Variants in ARHGAP24 observed in about 807,000 individuals in gnomAD.
The protein encoded by ARHGAP24 is rho GTPase-activating protein 24.
Under a neutral mutation model 76.4 loss-of-function variants are expected in ARHGAP24, and 50 were observed. The observed-to-expected ratio is 0.65, with a 90% CI of 0.52 to 0.83. The LOEUF (loss-of-function observed/expected upper bound fraction) is 0.83. Ranked by LOEUF, ARHGAP24 falls within the 40% of genes least tolerant of loss-of-function variation. ARHGAP24 has a pLI of 0.00. For missense variants in ARHGAP24, 930 were observed against 914.2 expected, an observed-to-expected ratio of 1.02 and a Z score of -0.22; for synonymous variants, 345 against 323.3, an observed-to-expected ratio of 1.07 and a Z score of -0.72.
In ARHGAP24 at chr4:85,824,019, AC is replaced by A. The variant is rs201251266; in HGVS notation, c.269-99627del. Among the ~76,000 whole-genome samples the A allele has an allele frequency of 9.5e-3, 1,442 of 152,266 alleles. 27 individuals carry two copies. Among genetic ancestry groups the A allele is most frequent in the African/African-American group, 0.032 (1,350 of 41,552 alleles). On this transcript the variant is annotated intron_variant, in intron 3 of 9. Transcript: ENST00000395184. ...CATCTTTCCCATCTAGAAAAATATT[AC>A]CATCCAGCAAAAAAACACAATTATA...
At position 85,525,875 on chromosome 4, in the gene ARHGAP24, T is replaced by A. The variant is rs553189648; in HGVS notation, c.-20-44647T>A. On this transcript the variant is annotated intron_variant, in intron 1 of 9. Coordinates refer to ENST00000395184, the MANE Select transcript of ARHGAP24 (RefSeq NM_001025616.3). ...TCATGAATGTTCTCCTTGTTGCTATTTTCTTAGAAGGTCGCCTTTTACTTT... is the reference window on the plus strand; with the variant it reads ...TCATGAATGTTCTCCTTGTTGCTATATTCTTAGAAGGTCGCCTTTTACTTT... 4.5e-4 allele frequency among the ~76,000 whole-genome samples: 68 copies of A among 152,296 alleles called. No homozygotes were observed. In the Middle Eastern group the frequency reaches 0.01, roughly 23 times the overall value.
In ARHGAP24 at chr4:85,643,938, A is replaced by T. The variant is rs913974963; in HGVS notation, c.180+73217A>T. Reference sequence around the variant, plus strand: ...TTTAATTATCTTTAATTGTGTTATTATTAGGTGTCTTAGATTGGAAGACAG... The same window carrying T: ...TTTAATTATCTTTAATTGTGTTATTTTTAGGTGTCTTAGATTGGAAGACAG... On this transcript the variant is annotated intron_variant, in intron 2 of 9. Transcript: ENST00000395184. Among the ~76,000 whole-genome samples the T allele has an allele frequency of 5.9e-5, 9 of 152,190 alleles. No homozygotes were observed. The East Asian group carries it at 1.7e-3, about 29-fold the overall frequency.
At chr4:85,947,301 T>G (rs763793408) in intron 5 of ARHGAP24, among the ~76,000 whole-genome samples, 1 of 152,218 alleles carries the variant, frequency 6.6e-6, no homozygotes, top group African/African-American at 2.4e-5. Context: ...ACTCCCTTGA[T>G]AGTTTCTTTT....
At chr4:85,476,563 T>C (rs1289433926) in intron 1 of ARHGAP24, among the ~76,000 whole-genome samples, 1 of 152,228 alleles carries the variant, frequency 6.6e-6, no homozygotes, top group Admixed American at 6.5e-5. Flanking sequence ...CAATATGTGT[T>C]GCTATGTCTA....
At position 85,726,906 on chromosome 4, in the gene ARHGAP24, C is replaced by T. The variant is rs1052470008; in HGVS notation, c.268+4934C>T. Among the ~76,000 whole-genome samples the T allele has an allele frequency of 4.6e-5, 7 of 152,240 alleles. No homozygotes were observed. The South Asian group carries it at 6.2e-4, about 14-fold the overall frequency. The stretch of plus-strand genomic sequence containing the variant: ...ACACTGGGCCAGGCGCTGTGGCTCA[C>T]GCCTGTAATCCCAAAATTTTGGGAG... On this transcript the variant is annotated intron_variant, in intron 3 of 9. Transcript: ENST00000395184.
At position 85,994,862 on chromosome 4, in the gene ARHGAP24, C is replaced by T; in HGVS notation, c.1208C>T (p.Pro403Leu). Residue 403 changes from proline to leucine, a missense_variant, in exon 9 of 10, where the codon CCA (proline) becomes CTA (leucine). By Grantham distance (98) the Pro-to-Leu change is moderately conservative. Coordinates refer to ENST00000395184, the MANE Select transcript of ARHGAP24 (RefSeq NM_001025616.3). ...TALSGSKTNSPKNSVHKLDVS... is the reference protein window; with the variant it reads ...TALSGSKTNSLKNSVHKLDVS... The stretch of plus-strand genomic sequence containing the variant: ...CTATCAGGCAGCAAAACCAACAGCC[C>T]AAAGAACAGTGTTCACAAGCTAGAT... The T allele has an allele frequency of 1.2e-6, 2 of 1,614,094 alleles. No individual in the cohort carries two copies. The highest frequency in any genetic ancestry group is 2.2e-5 in the East Asian group (1 of 44,856).
chr4:85,704,167 T>C (rs1724210882), intron 2 of ARHGAP24, among the ~76,000 whole-genome samples: 1 of 152,210 alleles, frequency 6.6e-6, no homozygotes, highest in African/African-American at 2.4e-5. Context: ...TACAGTTTTT[T>C]TTTGTCCAGT....
chr4:85,630,417 A>C (rs1251646590), intron 2 of ARHGAP24, among the ~76,000 whole-genome samples: 1 of 152,158 alleles, frequency 6.6e-6, no homozygotes, highest in East Asian at 1.9e-4. Flanking sequence ...GTGATTATTC[A>C]TGATCCTTGT....
At chr4:85,860,461 A>G (rs1238336770) in intron 3 of ARHGAP24, among the ~76,000 whole-genome samples, 1 of 152,136 alleles carries the variant, frequency 6.6e-6, no homozygotes, top group Non-Finnish European at 1.5e-5. Context: ...TTTAGGATCC[A>G]TATGGCAGAA....
At position 85,996,488 on chromosome 4, in the gene ARHGAP24, C is replaced by G. The variant is rs564915949; in HGVS notation, c.2003+831C>G. On this transcript the variant is annotated intron_variant, in intron 9 of 9. Transcript: ENST00000395184. ...TGGACAACCCTTCCTCCATGGTGTGCTAGGATCCTCAGTTGGTTGTTAAGT... is the reference window on the plus strand; with the variant it reads ...TGGACAACCCTTCCTCCATGGTGTGGTAGGATCCTCAGTTGGTTGTTAAGT... 7.0e-4 allele frequency among the ~76,000 whole-genome samples: 106 copies of G among 152,262 alleles called. 2 individuals carry two copies. The highest frequency in any genetic ancestry group is 1.3e-3 in the Non-Finnish European group (87 of 68,006).
At chr4:85,939,308 G>T (rs1457698196) in intron 4 of ARHGAP24, among the ~76,000 whole-genome samples, 1 of 152,102 alleles carries the variant, frequency 6.6e-6, no homozygotes, top group Non-Finnish European at 1.5e-5. Flanking sequence ...GAGAAAATGA[G>T]GACTCATGAC....
chr4:85,668,863 GA>G (rs1251442071), intron 2 of ARHGAP24, among the ~76,000 whole-genome samples: 3 of 152,142 alleles, frequency 2.0e-5, no homozygotes, highest in Non-Finnish European at 4.4e-5. Context: ...TAGCTTTGGA[GA>G]AAAGAAAGGA....
At chr4:85,985,284 A>G (rs1474866290) in intron 8 of ARHGAP24, among the ~76,000 whole-genome samples, 3 of 152,218 alleles carry the variant, frequency 2.0e-5, no homozygotes, top group African/African-American at 7.2e-5. Context: ...CATGTACACC[A>G]TGGAATACTG....
chr4:85,928,554 T>G (rs1208552590), intron 4 of ARHGAP24, among the ~76,000 whole-genome samples: 1 of 152,150 alleles, frequency 6.6e-6, no homozygotes, highest in East Asian at 1.9e-4. Context: ...GCCTCCCTGG[T>G]TCCAGTGATT....
At chr4:85,539,154 A>G (rs1435584000) in intron 1 of ARHGAP24, among the ~76,000 whole-genome samples, 2 of 152,206 alleles carry the variant, frequency 1.3e-5, no homozygotes, top group East Asian at 3.9e-4. Context: ...GATTTGGTTT[A>G]TCTATACAGC....
intron 3 of ARHGAP24, among the ~76,000 whole-genome samples, chr4:85,898,580 A>G (rs1231189513): frequency 1.3e-5 from 2 of 152,234 alleles, no homozygotes; most frequent in Non-Finnish European, 2.9e-5. Flanking sequence ...GGCTGTGAGC[A>G]TGAGTTAAGA....
At chr4:85,804,037 C>T (rs1041898147) in intron 3 of ARHGAP24, among the ~76,000 whole-genome samples, 2 of 151,624 alleles carry the variant, frequency 1.3e-5, no homozygotes, top group South Asian at 2.1e-4. Flanking sequence ...CTGCACCCTC[C>T]GCCTCCTGGG....
chr4:85,601,236 G>A (rs1720018523), intron 2 of ARHGAP24, among the ~76,000 whole-genome samples: 1 of 152,090 alleles, frequency 6.6e-6, no homozygotes, highest in Non-Finnish European at 1.5e-5. Flanking sequence ...GTAATCTTAG[G>A]AACTTAGAGT....
At chr4:85,534,538 G>T (rs777829821) in intron 1 of ARHGAP24, among the ~76,000 whole-genome samples, 35 of 152,146 alleles carry the variant, frequency 2.3e-4, no homozygotes, top group Non-Finnish European at 4.3e-4. Flanking sequence ...TGTTGGTTGG[G>T]GGAGAAGGCA....
Sources: gnomAD v4.1 joint callset for allele counts (sites outside exome capture counted in the v4.1 genomes callset) on GRCh38, gnomAD v4.1.1 for gene constraint, MANE v1.5 for transcripts, NCBI Gene and HGNC (gene_info 2026-07-23, HGNC 2026-07-21) for gene names.